NUP188: variants seen among roughly 807,000 people sequenced by gnomAD.
NUP188 encodes nucleoporin 188.
A neutral mutation model predicts 223.0 loss-of-function variants in NUP188; 97 were observed. The ratio of observed to expected loss-of-function variants is 0.43; its 90% CI spans 0.37 to 0.51. NUP188 has a LOEUF of 0.51. Ranked by LOEUF, NUP188 falls within the 20% of genes least tolerant of loss-of-function variation. The pLI is 0.00. For missense variants in NUP188, 1,947 were observed against 2,175.6 expected, an observed-to-expected ratio of 0.89 and a Z score of 2.09; for synonymous variants, 869 against 828.0, an observed-to-expected ratio of 1.05 and a Z score of -0.85.
chr9:129,007,047 G>A lies in NUP188; in HGVS notation c.*369G>A, dbSNP rs1368653263. 5.2e-6 allele frequency: 1 copy of A among 192,134 alleles called. No homozygotes were observed. Among genetic ancestry groups the A allele is most frequent in the African/African-American group, 2.3e-5 (1 of 42,698 alleles). 11.9% of individuals were successfully genotyped at this position (192,134 alleles called of 1,614,324 possible). A position where few individuals can be genotyped will look rare whatever the true frequency, so the allele number is the denominator to read the frequency against. On this transcript the variant is annotated 3_prime_UTR_variant, in exon 44 of 44. Transcript: ENST00000372577. ...TTCCACACTCTGTCTTTGCAGTTTT[G>A]GTAATTCTGTGGTCTATTTATACAG...
intron 6 of NUP188, 41 bp from the exon 7 acceptor site, chr9:128,958,761 T>G (rs746248838): frequency 8.5e-7 from 1 of 1,181,986 alleles, no homozygotes; most frequent in South Asian, 1.5e-5. Context: ...GTTTCCTATG[T>G]GCAAAGGTGA....
chr9:128,982,647 T>C lies in NUP188; in HGVS notation c.1615T>C (p.Trp539Arg). 1.2e-6 allele frequency: 2 copies of C among 1,614,146 alleles called. No individual in the cohort carries two copies. The highest frequency in any genetic ancestry group is 1.1e-5 in the South Asian group (1 of 91,084). ...ACGCTGGGAATACTCCTATAGCAGC[T>C]GGACCCTCTTTACCTGCGAGATTGA... Reference protein sequence around the residue: ...LVRWEYSYSSWTLFTCEIEML... With the variant: ...LVRWEYSYSSRTLFTCEIEML... The change falls in exon 16 of 44, where the codon TGG becomes CGG. Residue 539 changes from tryptophan (W) to arginine (R), a missense_variant. Around this residue, in one of 3 missense-constraint regions of NUP188, gnomAD observed 817 missense variants for 865.8 expected, o/e 0.94. Coordinates refer to ENST00000372577, the MANE Select transcript of NUP188 (RefSeq NM_015354.3).
Position 128,998,621 on chromosome 9 carries a change from G to A in NUP188, c.3513G>A (p.Lys1171=). Residue 1171 remains lysine (K), a splice_region_variant and synonymous_variant, in exon 32 of 44, where the codon AAG becomes AAA. Coordinates refer to ENST00000372577, the MANE Select transcript of NUP188 (RefSeq NM_015354.3). Reference sequence around the variant, plus strand: ...TGCTTATCCTCCTCCGGCAGTGGAAGAGGTGAGGCTGTGCCAGGAGAGGCA... The same window carrying A: ...TGCTTATCCTCCTCCGGCAGTGGAAAAGGTGAGGCTGTGCCAGGAGAGGCA... ...TLLLILLRQW[K]RELGSVDEIL... 1 of 1,613,734 alleles carries A rather than the reference G, an allele frequency of 6.2e-7. No individual in the cohort carries two copies. Among genetic ancestry groups the A allele is most frequent in the South Asian group, 1.1e-5 (1 of 91,088 alleles).
chr9:128,973,308 A>G, intron 12 of NUP188, 59 bp downstream of exon 12: 1 of 1,109,930 alleles, frequency 9.0e-7, no homozygotes, highest in Non-Finnish European at 1.4e-6. Flanking sequence ...TCAAGTCCCA[A>G]AAATATACCC....
chr9:128,972,760 G>A (rs1842120457), intron 11 of NUP188, among the ~76,000 whole-genome samples: 1 of 152,076 alleles, frequency 6.6e-6, no homozygotes, highest in South Asian at 2.1e-4. Flanking sequence ...ACAAAACAAA[G>A]CCTATTTAAA....
intron 10 of NUP188, 93 bp from the exon 11 acceptor site, chr9:128,970,665 T>C (rs1346802908): frequency 7.5e-6 from 8 of 1,072,086 alleles, no homozygotes; most frequent in African/African-American, 6.2e-5. Flanking sequence ...GGCCACTCTT[T>C]ATGGCTTGCT....
intron 8 of NUP188, 74 bp from the exon 9 acceptor site, chr9:128,968,432 T>TA (rs1468855362): frequency 2.3e-5 from 28 of 1,198,276 alleles, no homozygotes; most frequent in Non-Finnish European, 3.0e-5. Context: ...ACCCTTTCTT[T>TA]AAAAAATGTT....
intron 2 of NUP188, among the ~76,000 whole-genome samples, chr9:128,949,949 G>C (rs1390519764): frequency 7.0e-6 from 1 of 142,116 alleles, no homozygotes; most frequent in Non-Finnish European, 1.5e-5. Flanking sequence ...TTTTTTGAGG[G>C]GGGTGTCTTG....
intron 8 of NUP188, among the ~76,000 whole-genome samples, chr9:128,963,938 T>A (rs1841992092): frequency 6.6e-6 from 1 of 151,820 alleles, no homozygotes; most frequent in Non-Finnish European, 1.5e-5. Flanking sequence ...TGCCTCAGCC[T>A]CCCGAGTAGC....
At chr9:128,994,236 G>A (rs1842479647) in intron 27 of NUP188, 137 bp from the exon 28 acceptor site, 2 of 665,574 alleles carry the variant, frequency 3.0e-6, no homozygotes, top group South Asian at 1.8e-5. Context: ...ATTTATACGG[G>A]AACAACTGAC....
chr9:128,957,912 T>C, intron 5 of NUP188, 98 bp from the exon 6 acceptor site: 1 of 909,312 alleles, frequency 1.1e-6, no homozygotes, highest in East Asian at 2.7e-5. Context: ...AAATGTGCAA[T>C]TATAATCTTG....
intron 25 of NUP188, among the ~76,000 whole-genome samples, chr9:128,992,531 T>TACCA (rs1385555080): frequency 6.6e-6 from 1 of 152,222 alleles, no homozygotes; most frequent in Non-Finnish European, 1.5e-5. Flanking sequence ...CTTTACTTGA[T>TACCA]ACCATATCAG....
chr9:129,003,978 GAAA>G (rs1223358209), intron 38 of NUP188: 18 of 114,962 alleles, frequency 1.6e-4, no homozygotes, highest in East Asian at 1.0e-3. Context: ...GTCCCAAAAA[GAAA>G]AAAAAAAAAA....
intron 25 of NUP188, among the ~76,000 whole-genome samples, chr9:128,990,788 T>C (rs6478857): frequency 0.99 from 151,377 of 152,376 alleles, 75,202 homozygotes; most frequent in Middle Eastern, 1. Context: ...TGGCATGCAC[T>C]AGGGAGGCGG....
intron 8 of NUP188, among the ~76,000 whole-genome samples, chr9:128,963,365 A>G (rs1324011646): frequency 6.7e-6 from 1 of 148,934 alleles, no homozygotes; most frequent in Non-Finnish European, 1.5e-5. Flanking sequence ...GACTCACTGC[A>G]ACCTCTGCCT....
At chr9:129,002,669 C>G (rs534409227) in intron 36 of NUP188, 148 bp from the exon 37 acceptor site, 13 of 788,794 alleles carry the variant, frequency 1.6e-5, no homozygotes, top group Admixed American at 6.0e-5. Context: ...GTGTTGGCCC[C>G]TTTCTGGCCC....
Position 128,986,947 on chromosome 9 carries a change from T to G in NUP188, c.2264+72T>G, listed in dbSNP as rs537188111. On this transcript the variant is annotated intron_variant, in intron 22 of 43. Transcript: ENST00000372577. The stretch of plus-strand genomic sequence containing the variant: ...CACGGGCTTTTGCTGTGCAAAGCCG[T>G]CTCAGTTCTTCCAGAGAATTTACCT... 4 of 1,341,572 alleles carry G rather than the reference T, an allele frequency of 3.0e-6. No homozygotes were observed. In the South Asian group the frequency reaches 4.8e-5, roughly 16 times the overall value. 83.1% of individuals were successfully genotyped at this position (1,341,572 alleles called of 1,614,324 possible).
chr9:128,998,564 C>T lies in NUP188; in HGVS notation c.3456C>T (p.Cys1152=). ...TCCTAGTTCCAGCCTCAGTGAACTG[C>T]CTTCGCCTTGGCTCCATGAAGTGCA... ...ALLLVPASVN[C]LRLGSMKCTL... The change falls in exon 32 of 44, where the codon TGC becomes TGT. Residue 1152 remains cysteine, a synonymous_variant. Coordinates refer to ENST00000372577, the MANE Select transcript of NUP188 (RefSeq NM_015354.3). 2 of 1,614,174 alleles carry T rather than the reference C, an allele frequency of 1.2e-6. No individual in the cohort carries two copies. Among genetic ancestry groups the T allele is most frequent in the Non-Finnish European group, 1.7e-6 (2 of 1,180,016 alleles).
chr9:128,993,427 A>G (rs774606798), intron 26 of NUP188, 24 bp downstream of exon 26: 2 of 1,613,224 alleles, frequency 1.2e-6, no homozygotes, highest in Non-Finnish European at 1.7e-6. Context: ...CTGGGATGAC[A>G]CTGGGAGTTG....
Sources: allele counts gnomAD v4.1 joint callset (sites outside exome capture counted in the v4.1 genomes callset), GRCh38; gene constraint gnomAD v4.1.1; regional missense constraint gnomAD v4.1.1; transcripts MANE v1.5; gene names NCBI Gene and HGNC (gene_info 2026-07-23, HGNC 2026-07-21).